Variants in KALRN observed in about 807,000 individuals in gnomAD.
KALRN encodes kalirin.
In KALRN, 70 loss-of-function variants were observed where a neutral mutation model predicts 353.7. The ratio of observed to expected loss-of-function variants is 0.20; its 90% confidence interval spans 0.16 to 0.24. The LOEUF (loss-of-function observed/expected upper bound fraction) is 0.24. KALRN is among the 10% of genes least tolerant of loss of function. The probability of loss-of-function intolerance (pLI) is 1.00; values close to 1 mark genes in which losing one functional copy is unlikely to be tolerated. For missense variants in KALRN, 2,791 were observed against 3,756.7 expected (o/e 0.74, Z 6.72); for synonymous variants, 1,391 against 1,434.8 (o/e 0.97, Z 0.69).
At chr3:124,330,948 C>G (rs1248068582) in intron 8 of KALRN, among the ~76,000 whole-genome samples, 4 of 152,310 alleles carry the variant, frequency 2.6e-5, no homozygotes, top group Non-Finnish European at 5.9e-5. Flanking sequence ...AACTATTACC[C>G]TAGGTGAGTT....
chr3:124,220,722 C>A (rs2077808360), intron 1 of KALRN, among the ~76,000 whole-genome samples: 1 of 152,190 alleles, frequency 6.6e-6, no homozygotes, highest in South Asian at 2.1e-4. Context: ...AACTGTCAGC[C>A]TGCTACTGTC....
At chr3:124,411,406 A>T (rs1312800878) in intron 13 of KALRN, among the ~76,000 whole-genome samples, 1 of 139,080 alleles carries the variant, frequency 7.2e-6, no homozygotes, top group Admixed American at 7.8e-5. Flanking sequence ...TAAAAACTGT[A>T]AAAGCCTATG....
chr3:124,080,846 T>C (rs1010158465), intron 1 of KALRN, among the ~76,000 whole-genome samples: 5 of 152,216 alleles, frequency 3.3e-5, no homozygotes, highest in African/African-American at 1.2e-4. Context: ...TTAAGCCCAC[T>C]ATACCAGTTT....
intron 6 of KALRN, among the ~76,000 whole-genome samples, chr3:124,316,061 C>T (rs1465588308): frequency 6.6e-6 from 1 of 152,108 alleles, no homozygotes; most frequent in Non-Finnish European, 1.5e-5. Flanking sequence ...AAGGGAGCAG[C>T]ACAAAAAGCA....
At chr3:124,138,008 G>C (rs187167155) in intron 1 of KALRN, among the ~76,000 whole-genome samples, 19 of 152,276 alleles carry the variant, frequency 1.2e-4, no homozygotes, top group African/African-American at 4.3e-4. Flanking sequence ...CCTAGTCGGA[G>C]CTTAAGGCCC....
At chr3:124,232,750 A>G (rs1344205006) in intron 2 of KALRN, among the ~76,000 whole-genome samples, 1 of 152,006 alleles carries the variant, frequency 6.6e-6, no homozygotes, top group Admixed American at 6.6e-5. Flanking sequence ...TTTCTCTTCT[A>G]ACTCCTCCTT....
At chr3:124,133,916 G>C (rs1421102802) in intron 1 of KALRN, among the ~76,000 whole-genome samples, 1 of 152,164 alleles carries the variant, frequency 6.6e-6, no homozygotes, top group African/African-American at 2.4e-5. Flanking sequence ...CATGCTCATG[G>C]ATGGGTAGAA....
intron 1 of KALRN, among the ~76,000 whole-genome samples, chr3:124,126,625 T>G (rs551117523): frequency 1.6e-4 from 24 of 152,350 alleles, no homozygotes; most frequent in African/African-American, 5.8e-4. Flanking sequence ...TAAGAGAATT[T>G]ACACAGTCAC....
intron 14 of KALRN, among the ~76,000 whole-genome samples, chr3:124,419,736 A>G (rs1218050682): frequency 6.6e-6 from 1 of 152,206 alleles, no homozygotes. Flanking sequence ...GGCACAGGAA[A>G]TTGTGGGGGC....
At chr3:124,450,238 A>G (rs539213120) in intron 21 of KALRN, among the ~76,000 whole-genome samples, 1 of 152,304 alleles carries the variant, frequency 6.6e-6, no homozygotes, top group African/African-American at 2.4e-5. Context: ...TAGCCATCCT[A>G]GAGGGTGTGG....
intron 10 of KALRN, among the ~76,000 whole-genome samples, 193 bp downstream of exon 10, chr3:124,347,458 T>C (rs545589208): frequency 6.6e-6 from 1 of 150,980 alleles, no homozygotes; most frequent in Non-Finnish European, 1.5e-5. Flanking sequence ...GCATGCTGGG[T>C]TGATAACCTG....
intron 34 of KALRN, among the ~76,000 whole-genome samples, chr3:124,616,568 G>A (rs1009731560): frequency 6.6e-6 from 1 of 152,142 alleles, no homozygotes; most frequent in Non-Finnish European, 1.5e-5. Context: ...TCCCTCTGGG[G>A]TCATCATCTA....
chr3:124,693,027 G>A (rs1410496816), intron 51 of KALRN, among the ~76,000 whole-genome samples: 3 of 152,206 alleles, frequency 2.0e-5, no homozygotes, highest in East Asian at 3.8e-4. Context: ...CCTGAGGCAG[G>A]CAGCATGGTA....
chr3:124,298,747 C>T (rs1417327421), intron 5 of KALRN, 44 bp from the exon 6 acceptor site: 2 of 1,612,784 alleles, frequency 1.2e-6, no homozygotes, highest in Admixed American at 3.3e-5. Context: ...CCCTATTCGA[C>T]CCATGACCAT....
intron 5 of KALRN, among the ~76,000 whole-genome samples, chr3:124,290,728 G>A (rs1180540519): frequency 6.6e-6 from 1 of 152,144 alleles, no homozygotes; most frequent in African/African-American, 2.4e-5. Flanking sequence ...AGATAATTAT[G>A]AGGTTATTAG....
rs187236089 is a variant in KALRN, at chr3:124,330,042, G to A, written c.1416+50G>A. 63 of 1,599,622 alleles carry A rather than the reference G, an allele frequency of 3.9e-5. No homozygotes were observed. In the East Asian group the frequency reaches 4.3e-4, roughly 11 times the overall value. On this transcript the variant is annotated intron_variant, in intron 8 of 59. Transcript: ENST00000682506. ...GGTTCTTGGGCATGTCTGCATGTGG[G>A]TGGGTGATGAGGGCACTGGCCTGTG...
intron 37 of KALRN, among the ~76,000 whole-genome samples, chr3:124,647,691 G>C (rs1208211936): frequency 1.3e-5 from 2 of 152,056 alleles, no homozygotes; most frequent in Non-Finnish European, 2.9e-5. Flanking sequence ...CCAGCACTTT[G>C]CAAATATTTA....
intron 34 of KALRN, among the ~76,000 whole-genome samples, chr3:124,590,836 A>G (rs530210478): frequency 6.6e-6 from 1 of 152,294 alleles, no homozygotes; most frequent in Admixed American, 6.5e-5. Flanking sequence ...CAGAAGGAAC[A>G]CCAGGAATCA....
intron 34 of KALRN, among the ~76,000 whole-genome samples, chr3:124,577,821 C>T (rs1303814594): frequency 1.3e-5 from 2 of 152,106 alleles, no homozygotes; most frequent in Non-Finnish European, 2.9e-5. Context: ...GATTATGCCA[C>T]TGCACTTCAG....
Sources: gnomAD v4.1 joint callset for allele counts (sites outside exome capture counted in the v4.1 genomes callset) on GRCh38, gnomAD v4.1.1 for gene constraint, MANE v1.5 for transcripts, NCBI Gene and HGNC (gene_info 2026-07-23, HGNC 2026-07-21) for gene names.